Variants in LAMA1 observed in about 807,000 individuals in gnomAD.
LAMA1 encodes the protein laminin subunit alpha-1.
In LAMA1, 219 loss-of-function variants were observed where a neutral mutation model predicts 348.7. That is an observed-to-expected ratio of 0.63 (90% CI 0.56 to 0.70). LAMA1 has a LOEUF of 0.70. LAMA1 is among the 30% of genes least tolerant of loss of function. The probability of loss-of-function intolerance (pLI) is 0.00; values close to 1 mark genes in which losing one functional copy is unlikely to be tolerated. For missense variants in LAMA1, 3,744 were observed against 3,888.0 expected (o/e 0.96, Z 0.99); for synonymous variants, 1,487 against 1,491.0 (o/e 1.00, Z 0.06).
chr18:7,023,835 T>TTTTTG (rs978795549), intron 18 of LAMA1, among the ~76,000 whole-genome samples: 5 of 152,106 alleles, frequency 3.3e-5, no homozygotes, highest in African/African-American at 4.8e-5. Context: ...CTTCCTATTG[T>TTTTTG]TTTTGTTTTG....
chr18:7,117,431 G>A (rs1283127272), intron 1 of LAMA1, among the ~76,000 whole-genome samples: 1 of 152,038 alleles, frequency 6.6e-6, no homozygotes, highest in Non-Finnish European at 1.5e-5. Flanking sequence ...AGCCCGAGGA[G>A]GTTAAAGCCT....
At chr18:7,015,524 C>A in intron 22 of LAMA1, among the ~76,000 whole-genome samples, 198 bp downstream of exon 22, 1 of 151,632 alleles carries the variant, frequency 6.6e-6, no homozygotes, top group East Asian at 1.9e-4. Flanking sequence ...AAACGATCCT[C>A]CTGCCTCAGT....
At chr18:6,944,219 T>C (rs2057512720) in intron 61 of LAMA1, among the ~76,000 whole-genome samples, 1 of 152,196 alleles carries the variant, frequency 6.6e-6, no homozygotes, top group Non-Finnish European at 1.5e-5. Flanking sequence ...TTTCACCATG[T>C]TGGCCAGGCT....
intron 30 of LAMA1, among the ~76,000 whole-genome samples, chr18:7,001,346 T>C (rs928051676): frequency 2.6e-5 from 4 of 152,138 alleles, no homozygotes; most frequent in African/African-American, 9.7e-5. Flanking sequence ...TAAAAAGCAA[T>C]GCAAAAACAC....
At chr18:7,112,014 T>C (rs1345288358) in intron 1 of LAMA1, among the ~76,000 whole-genome samples, 1 of 152,262 alleles carries the variant, frequency 6.6e-6, no homozygotes, top group Admixed American at 6.5e-5. Context: ...TAACGTGTAA[T>C]AGAATTGTTC....
At chr18:6,992,868 C>T (rs1294513989) in intron 35 of LAMA1, 148 bp from the exon 36 acceptor site, 1 of 651,404 alleles carries the variant, frequency 1.5e-6, no homozygotes, top group Non-Finnish European at 2.7e-6. Flanking sequence ...CTGGCATATC[C>T]CAGTGTACTC....
rs1247330042 is a variant in LAMA1 at position 7,032,090 on chromosome 18, C to T, written c.2250G>A (p.Glu750=). 12 of 1,614,168 alleles carry T rather than the reference C, an allele frequency of 7.4e-6. No individual in the cohort carries two copies. Among genetic ancestry groups the T allele is most frequent in the Admixed American group, 1.7e-5 (1 of 60,022 alleles). The change falls in exon 16 of 63, where the codon GAG becomes GAA. Residue 750 remains glutamate (E), a synonymous_variant. Transcript: ENST00000389658. ...QPCECHGHAA[E]CNVHGVCIAC... is the part of the protein sequence containing the mutation. ...CAATGCAAACGCCGTGAACATTACA[C>T]TCAGCTGCATGGCCGTGGCATTCAC... is the stretch of plus-strand genomic sequence containing the variant.
intron 1 of LAMA1, among the ~76,000 whole-genome samples, chr18:7,104,477 G>A (rs1171021928): frequency 1.3e-5 from 2 of 152,290 alleles, no homozygotes; most frequent in African/African-American, 2.4e-5. Flanking sequence ...CAAAGAAATC[G>A]CTATGGAAAC....
At chr18:6,961,528 C>G in intron 53 of LAMA1, 58 bp downstream of exon 53, 1 of 1,594,320 alleles carries the variant, frequency 6.3e-7, no homozygotes, top group East Asian at 2.3e-5. Flanking sequence ...ATTTTCCACT[C>G]ATTGTTTCCC....
At chr18:7,090,599 C>A (rs148374729) in intron 1 of LAMA1, among the ~76,000 whole-genome samples, 16 of 151,794 alleles carry the variant, frequency 1.1e-4, no homozygotes, top group African/African-American at 3.6e-4. Context: ...CAGGCAAGGA[C>A]CAAAGCCCTT....
chr18:6,957,601 A>G (rs1404752037), intron 55 of LAMA1, among the ~76,000 whole-genome samples: 1 of 152,146 alleles, frequency 6.6e-6, no homozygotes, highest in Non-Finnish European at 1.5e-5. Context: ...CAATTTCCTG[A>G]TGCCCAGGGC....
At position 7,051,194 on chromosome 18, in the gene LAMA1, G is replaced by C. The variant is rs1328005546; in HGVS notation, c.346-258C>G. 2.6e-5 allele frequency among the ~76,000 whole-genome samples: 4 copies of C among 152,242 alleles called. No homozygotes were observed. The East Asian group carries it at 5.8e-4, about 22-fold the overall frequency. The stretch of plus-strand genomic sequence containing the variant: ...GGTAACAATAGTGTACTGTATACTA[G>C]AAATTTATTTATTAAAAGGGTAGAT... On this transcript the variant is annotated intron_variant, in intron 3 of 62. Transcript: ENST00000389658.
intron 36 of LAMA1, among the ~76,000 whole-genome samples, chr18:6,991,179 G>T (rs1200528340): frequency 6.6e-6 from 1 of 151,958 alleles, no homozygotes; most frequent in Non-Finnish European, 1.5e-5. Context: ...CCATCCAACT[G>T]TAAGCACCTC....
rs372314380 is a variant in LAMA1, at chr18:7,010,348, G to T, written c.3725C>A (p.Ala1242Asp). The stretch of plus-strand genomic sequence containing the variant: ...GCCGACGCCATCCAAAGAATAGAAG[G>T]CCACGCTGTACTTCAGTTTGCCACC... ...AYGGKLKYSV[A>D]FYSLDGVGTS... Residue 1242 changes from alanine (A) to aspartate (D), a missense_variant, in exon 26 of 63, where the codon GCC becomes GAC. Around this residue, in one of 3 missense-constraint regions of LAMA1, gnomAD observed 1,529 missense variants for 1,689.4 expected, o/e 0.91. Transcript: ENST00000389658. The T allele has an allele frequency of 1.9e-6, 3 of 1,614,092 alleles. No homozygotes were observed. Among genetic ancestry groups the T allele is most frequent in the Non-Finnish European group, 2.5e-6 (3 of 1,180,042 alleles).
At chr18:6,970,154 G>A (rs1003966145) in intron 48 of LAMA1, among the ~76,000 whole-genome samples, 21 of 152,182 alleles carry the variant, frequency 1.4e-4, no homozygotes, top group African/African-American at 4.6e-4. Flanking sequence ...TGGCGGATCA[G>A]AGAGCCTGAA....
Position 7,038,885 on chromosome 18 carries a change from G to GT in LAMA1, c.1487dup (p.Asn496LysfsTer15), listed in dbSNP as rs1406609727. The stretch of plus-strand genomic sequence containing the variant: ...AGAAGCACTCGGAGCAGCCCCGGGG[G>GT]TTTTTTTCCTTCAAGTTATAGAATC... On this transcript the variant is annotated frameshift_variant, in exon 11 of 63. Coordinates refer to ENST00000389658, the MANE Select transcript of LAMA1 (RefSeq NM_005559.4). LOFTEE classifies it high-confidence loss of function. The GT allele has an allele frequency of 5.0e-6, 8 of 1,614,038 alleles. No individual in the cohort carries two copies. The highest frequency in any genetic ancestry group is 2.2e-5 in the East Asian group (1 of 44,874).
chr18:7,072,804 T>C (rs2058151225), intron 3 of LAMA1, among the ~76,000 whole-genome samples: 1 of 152,102 alleles, frequency 6.6e-6, no homozygotes, highest in South Asian at 2.1e-4. Context: ...CAGCCCAGCT[T>C]TGGATGCTGA....
At chr18:7,069,286 A>G (rs183904516) in intron 3 of LAMA1, among the ~76,000 whole-genome samples, 23 of 152,282 alleles carry the variant, frequency 1.5e-4, no homozygotes, top group South Asian at 2.1e-4. Context: ...TATTCAGCTC[A>G]CTTATCGTTA....
chr18:6,958,452 A>G (rs369876018), intron 55 of LAMA1, 25 bp downstream of exon 55: 5 of 1,612,280 alleles, frequency 3.1e-6, no homozygotes, highest in Non-Finnish European at 3.4e-6. Flanking sequence ...AAGTGCAAGA[A>G]CATGCAGAGA....
Sources: allele counts gnomAD v4.1 joint callset (sites outside exome capture counted in the v4.1 genomes callset), GRCh38; gene constraint gnomAD v4.1.1; regional missense constraint gnomAD v4.1.1; transcripts MANE v1.5; gene names NCBI Gene and HGNC (gene_info 2026-07-23, HGNC 2026-07-21).